ERBB4: variants seen among roughly 807,000 people sequenced by gnomAD.
ERBB4 encodes the protein receptor tyrosine-protein kinase erbB-4.
ERBB4 carries 42 observed loss-of-function variants against 158.0 expected under a neutral mutation model. That is an observed-to-expected ratio of 0.27 (90% CI 0.21 to 0.34). ERBB4 has a LOEUF of 0.34. Among genes scored for constraint, ERBB4 ranks in the 10% least tolerant of loss-of-function variants. ERBB4 has a pLI of 1.00. For missense variants in ERBB4, 1,333 were observed against 1,624.1 expected, an observed-to-expected ratio of 0.82 and a Z score of 3.08; for synonymous variants, 583 against 558.7, an observed-to-expected ratio of 1.04 and a Z score of -0.61.
chr2:212,490,492 G>A (rs1477869044), intron 1 of ERBB4, among the ~76,000 whole-genome samples: 1 of 151,616 alleles, frequency 6.6e-6, no homozygotes, highest in Non-Finnish European at 1.5e-5. Flanking sequence ...TATCTGATTA[G>A]TATATTATTT....
intron 20 of ERBB4, among the ~76,000 whole-genome samples, chr2:211,472,404 GAGAC>G (rs1426921966): frequency 2.0e-5 from 3 of 150,880 alleles, no homozygotes; most frequent in Non-Finnish European, 3.0e-5. Flanking sequence ...GTCATGAAGA[GAGAC>G]AGGGATGTTA....
intron 2 of ERBB4, among the ~76,000 whole-genome samples, chr2:212,065,195 C>T (rs1363397359): frequency 1.3e-5 from 2 of 152,068 alleles, no homozygotes; most frequent in East Asian, 1.9e-4. Flanking sequence ...TTCAAAGAGA[C>T]GTGTTTAGAC....
chr2:212,340,429 T>C (rs1448278681), intron 1 of ERBB4, among the ~76,000 whole-genome samples: 1 of 152,312 alleles, frequency 6.6e-6, no homozygotes, highest in South Asian at 2.1e-4. Flanking sequence ...GAAATCATTA[T>C]ACAACTCACC....
intron 1 of ERBB4, among the ~76,000 whole-genome samples, chr2:212,170,565 C>A (rs2103002): frequency 6.6e-6 from 1 of 151,962 alleles, no homozygotes; most frequent in Admixed American, 6.6e-5. Flanking sequence ...ATCACAGGCA[C>A]GTAGGCCAAG....
chr2:211,853,184 G>A (rs1045566548), intron 3 of ERBB4, among the ~76,000 whole-genome samples: 2 of 151,970 alleles, frequency 1.3e-5, no homozygotes, highest in African/African-American at 4.8e-5. Flanking sequence ...GCTGGAAATA[G>A]AGATCAGATT....
At chr2:211,599,028 T>C (rs766921859) in intron 19 of ERBB4, among the ~76,000 whole-genome samples, 6 of 152,152 alleles carry the variant, frequency 3.9e-5, no homozygotes, top group South Asian at 2.1e-4. Flanking sequence ...TTTTACAGAT[T>C]GTTGTGAGAT....
chr2:211,931,121 T>C (rs978773792), intron 3 of ERBB4, among the ~76,000 whole-genome samples: 2 of 152,134 alleles, frequency 1.3e-5, no homozygotes, highest in African/African-American at 4.8e-5. Context: ...TTAAACGCAA[T>C]ATTTAAAATC....
At chr2:211,811,608 T>G (rs536574228) in intron 3 of ERBB4, among the ~76,000 whole-genome samples, 2 of 152,294 alleles carry the variant, frequency 1.3e-5, no homozygotes, top group South Asian at 4.1e-4. Context: ...CTGAAGAGTG[T>G]TTTCCAACTT....
At chr2:211,735,839 G>A (rs1575071364) in intron 5 of ERBB4, among the ~76,000 whole-genome samples, 1 of 151,862 alleles carries the variant, frequency 6.6e-6, no homozygotes, top group Non-Finnish European at 1.5e-5. Flanking sequence ...CATAGAACAC[G>A]TTTGGGATTA....
intron 27 of ERBB4, among the ~76,000 whole-genome samples, chr2:211,385,789 C>G (rs1327366359): frequency 2.0e-5 from 3 of 152,092 alleles, no homozygotes; most frequent in Admixed American, 1.3e-4. Context: ...ATATAGCTGT[C>G]CAATAACTTT....
At chr2:211,727,682 C>T (rs549962517) in intron 5 of ERBB4, among the ~76,000 whole-genome samples, 1 of 151,990 alleles carries the variant, frequency 6.6e-6, no homozygotes, top group East Asian at 1.9e-4. Context: ...TAATTGGATC[C>T]TTTTCCATTG....
intron 16 of ERBB4, among the ~76,000 whole-genome samples, chr2:211,632,207 T>G (rs2070167456): frequency 6.6e-6 from 1 of 152,106 alleles, no homozygotes; most frequent in Non-Finnish European, 1.5e-5. Context: ...TAAAAATCTC[T>G]GCTGAGAAAA....
intron 4 of ERBB4, among the ~76,000 whole-genome samples, chr2:211,754,738 T>C (rs536846334): frequency 1.3e-5 from 2 of 150,858 alleles, no homozygotes; most frequent in Non-Finnish European, 2.9e-5. Context: ...TTTGCTCTTG[T>C]TCCCCAGGCT....
intron 20 of ERBB4, among the ~76,000 whole-genome samples, chr2:211,440,340 C>T (rs2125451377): frequency 6.6e-6 from 1 of 152,178 alleles, no homozygotes; most frequent in African/African-American, 2.4e-5. Context: ...TGTCTGTGGG[C>T]TGTAGCAGTT....
intron 1 of ERBB4, among the ~76,000 whole-genome samples, chr2:212,514,165 T>C (rs923280125): frequency 6.6e-6 from 1 of 152,028 alleles, no homozygotes; most frequent in Non-Finnish European, 1.5e-5. Flanking sequence ...TGTCAATGCA[T>C]TGCACTGAAA....
At chr2:212,527,739 A>T (rs1692526313) in intron 1 of ERBB4, among the ~76,000 whole-genome samples, 1 of 151,212 alleles carries the variant, frequency 6.6e-6, no homozygotes. Flanking sequence ...GTTTTAGGGT[A>T]CCTGTGCACA....
intron 1 of ERBB4, among the ~76,000 whole-genome samples, chr2:212,127,356 G>A (rs1374815347): frequency 6.6e-6 from 1 of 152,288 alleles, no homozygotes; most frequent in Non-Finnish European, 1.5e-5. Flanking sequence ...ACTTTGGGAG[G>A]CCAAGGTGGG....
At chr2:212,410,335 T>C (rs371808699) in intron 1 of ERBB4, among the ~76,000 whole-genome samples, 16 of 152,144 alleles carry the variant, frequency 1.1e-4, no homozygotes, top group East Asian at 5.8e-4. Context: ...TTTCATTACG[T>C]ACAAATCATC....
intron 25 of ERBB4, among the ~76,000 whole-genome samples, chr2:211,390,559 A>G (rs1296609515): frequency 6.6e-6 from 1 of 152,222 alleles, no homozygotes; most frequent in Non-Finnish European, 1.5e-5. Context: ...ACAACTTACA[A>G]GTCATTCTTC....
Sources: allele counts gnomAD v4.1 joint callset (sites outside exome capture counted in the v4.1 genomes callset), GRCh38; gene constraint gnomAD v4.1.1; transcripts MANE v1.5; gene names NCBI Gene and HGNC (gene_info 2026-07-23, HGNC 2026-07-21).